Variants in BICC1 observed in about 807,000 individuals in gnomAD.
The protein encoded by BICC1 is protein bicaudal C homolog 1.
BICC1 carries 43 observed loss-of-function variants against 111.0 expected under a neutral mutation model. The observed-to-expected ratio is 0.39, with a 90% CI of 0.30 to 0.50. The LOEUF (loss-of-function observed/expected upper bound fraction) is 0.50, where lower values mean the gene tolerates loss of function less well. Ranked by LOEUF, BICC1 falls within the 20% of genes least tolerant of loss-of-function variation. BICC1 has a pLI of 0.88. For missense variants in BICC1, 1,091 were observed against 1,203.2 expected, an observed-to-expected ratio of 0.91 and a Z score of 1.38; for synonymous variants, 467 against 434.4, an observed-to-expected ratio of 1.07 and a Z score of -0.93.
At position 58,789,426 on chromosome 10, in the gene BICC1, A is replaced by G; in HGVS notation, c.765A>G (p.Arg255=). The G allele has an allele frequency of 6.2e-7, 1 of 1,614,028 alleles. No homozygotes were observed. The part of the protein sequence containing the change: ...SRMYGATVIV[R]GSQNNTSAVK... ...TGTATGGTGCTACTGTCATAGTACG[A>G]GGGTCTCAGAATAACACTAGTGCTG... The change falls in exon 7 of 21, where the codon CGA becomes CGG. Residue 255 remains arginine, a synonymous_variant. Coordinates refer to ENST00000373886, the MANE Select transcript of BICC1 (RefSeq NM_001080512.3).
chr10:58,655,199 G>A (rs1329566385), intron 2 of BICC1, among the ~76,000 whole-genome samples: 1 of 145,408 alleles, frequency 6.9e-6, no homozygotes, highest in Non-Finnish European at 1.5e-5. Context: ...CTTTAAAGTA[G>A]TTTTTTCCAA....
chr10:58,757,997 T>TA (rs1242735466), intron 3 of BICC1, among the ~76,000 whole-genome samples: 1 of 152,172 alleles, frequency 6.6e-6, no homozygotes, highest in Non-Finnish European at 1.5e-5. Context: ...GTGCTTGGTT[T>TA]CCTAAGCCAT....
rs748509234 is a variant in BICC1, at chr10:58,820,359, C to G, written c.2695-10C>G. On this transcript the variant is annotated splice_polypyrimidine_tract_variant and intron_variant, in intron 19 of 20. Transcript: ENST00000373886. ...ATACATTGGTTATAGATTGACCTTT[C>G]TACCCACAGATCGATCTTCAGACAT... 4.4e-6 allele frequency: 7 copies of G among 1,589,828 alleles called. No individual in the cohort carries two copies. In the East Asian group the frequency reaches 1.1e-4, roughly 25 times the overall value.
intron 3 of BICC1, among the ~76,000 whole-genome samples, chr10:58,730,787 G>A (rs1271255845): frequency 6.6e-6 from 1 of 152,088 alleles, no homozygotes; most frequent in Non-Finnish European, 1.5e-5. Flanking sequence ...TTGAGTCAGG[G>A]CTGCAGCTGG....
chr10:58,706,451 C>G (rs1840389567), intron 3 of BICC1, among the ~76,000 whole-genome samples: 1 of 152,200 alleles, frequency 6.6e-6, no homozygotes, highest in Non-Finnish European at 1.5e-5. Flanking sequence ...AAACATTTTT[C>G]TCACAGTCTT....
intron 2 of BICC1, among the ~76,000 whole-genome samples, chr10:58,698,032 T>A (rs1042887781): frequency 5.3e-5 from 8 of 151,534 alleles, no homozygotes; most frequent in Admixed American, 1.3e-4. Context: ...AGACCTGGAG[T>A]CATTGTAGAT....
At chr10:58,601,168 ATATCT>A (rs1356738514) in intron 1 of BICC1, among the ~76,000 whole-genome samples, 1,841 of 139,336 alleles carry the variant, frequency 0.013, 35 homozygotes, top group Middle Eastern at 0.034. Context: ...ATATATATAT[ATATCT>A]CCCAATAAAA....
chr10:58,519,937 C>T (rs1162979205), intron 1 of BICC1, among the ~76,000 whole-genome samples: 2 of 152,110 alleles, frequency 1.3e-5, no homozygotes, highest in Non-Finnish European at 2.9e-5. Context: ...CTCCCTCCTC[C>T]CACTGTCCAC....
chr10:58,604,798 T>C (rs190460319), intron 1 of BICC1, among the ~76,000 whole-genome samples: 147 of 152,316 alleles, frequency 9.7e-4, no homozygotes, highest in Non-Finnish European at 1.7e-3. Context: ...TACCATATAC[T>C]GGATAGCTTA....
At chr10:58,729,339 A>T (rs1476333290) in intron 3 of BICC1, among the ~76,000 whole-genome samples, 2 of 152,190 alleles carry the variant, frequency 1.3e-5, no homozygotes, top group African/African-American at 4.8e-5. Flanking sequence ...AATTATGGAG[A>T]TGGCATCTTT....
chr10:58,755,252 C>T (rs1842112028), intron 3 of BICC1, among the ~76,000 whole-genome samples: 1 of 152,106 alleles, frequency 6.6e-6, no homozygotes, highest in South Asian at 2.1e-4. Context: ...TTTTAACTGC[C>T]AGGGCCCACT....
At chr10:58,765,635 A>C (rs950160900) in intron 3 of BICC1, among the ~76,000 whole-genome samples, 1 of 152,222 alleles carries the variant, frequency 6.6e-6, no homozygotes, top group Non-Finnish European at 1.5e-5. Flanking sequence ...TAAGATTTCA[A>C]AACTTAGCAA....
intron 3 of BICC1, among the ~76,000 whole-genome samples, chr10:58,724,790 G>A (rs546125710): frequency 6.6e-5 from 10 of 152,272 alleles, no homozygotes; most frequent in South Asian, 4.1e-4. Flanking sequence ...CGGTTGCCCC[G>A]GTCCTGTTGA....
At chr10:58,753,163 T>TTTG (rs1328780930) in intron 3 of BICC1, among the ~76,000 whole-genome samples, 7 of 152,050 alleles carry the variant, frequency 4.6e-5, no homozygotes, top group Middle Eastern at 3.4e-3. Flanking sequence ...TGTTGTTGTT[T>TTTG]TTGTTGTTGT....
chr10:58,680,242 G>C (rs947567777), intron 2 of BICC1, among the ~76,000 whole-genome samples: 2 of 152,268 alleles, frequency 1.3e-5, no homozygotes, highest in South Asian at 2.1e-4. Flanking sequence ...CGTTATTTCT[G>C]TTTGCAGATG....
intron 1 of BICC1, among the ~76,000 whole-genome samples, chr10:58,613,454 C>T (rs1845499682): frequency 6.6e-6 from 1 of 152,144 alleles, no homozygotes; most frequent in South Asian, 2.1e-4. Flanking sequence ...CAAGCAATAT[C>T]ATGACATAAA....
At chr10:58,672,099 A>G (rs1839202046) in intron 2 of BICC1, among the ~76,000 whole-genome samples, 1 of 152,142 alleles carries the variant, frequency 6.6e-6, no homozygotes, top group South Asian at 2.1e-4. Flanking sequence ...ATAACATGAA[A>G]TTTACCATTT....
At chr10:58,769,373 TGTATG>T (rs781518610) in intron 3 of BICC1, among the ~76,000 whole-genome samples, 2,226 of 82,636 alleles carry the variant, frequency 0.027, 30 homozygotes, top group South Asian at 0.066. Context: ...AGTTTTATAA[TGTATG>T]TGTGTGTGTG....
At chr10:58,691,704 A>G (rs1345042277) in intron 2 of BICC1, among the ~76,000 whole-genome samples, 1 of 152,180 alleles carries the variant, frequency 6.6e-6, no homozygotes, top group South Asian at 2.1e-4. Flanking sequence ...GAATGGAAAC[A>G]ACAGAACTGA....
Sources: allele counts gnomAD v4.1 joint callset (sites outside exome capture counted in the v4.1 genomes callset), GRCh38; gene constraint gnomAD v4.1.1; transcripts MANE v1.5; gene names NCBI Gene and HGNC (gene_info 2026-07-23, HGNC 2026-07-21).